The following PKHD1 variants were observed in gnomAD, a reference collection of about 807,000 sequenced individuals.
PKHD1 encodes PKHD1 ciliary IPT domain containing fibrocystin/polyductin, also known as fibrocystin.
A neutral mutation model predicts 412.0 loss-of-function variants in PKHD1; 291 were observed. That is an observed-to-expected ratio of 0.71 (90% confidence interval 0.64 to 0.78). The LOEUF is 0.78. Among genes scored for constraint, PKHD1 ranks in the 30% least tolerant of loss-of-function variants. The probability of loss-of-function intolerance (pLI) is 0.00; values close to 1 mark genes in which losing one functional copy is unlikely to be tolerated. For synonymous variants in PKHD1, 1,777 were observed against 1,821.5 expected, an observed-to-expected ratio of 0.98 and a Z score of 0.62; for missense variants, 4,825 against 4,950.7, an observed-to-expected ratio of 0.97 and a Z score of 0.76.
At chr6:51,730,565 T>G (rs1462765559) in intron 60 of PKHD1, among the ~76,000 whole-genome samples, 4 of 152,220 alleles carry the variant, frequency 2.6e-5, no homozygotes, top group Non-Finnish European at 5.9e-5. Context: ...TATTTATTTC[T>G]AGAATATTTT....
At chr6:51,814,873 T>G (rs988370053) in intron 52 of PKHD1, among the ~76,000 whole-genome samples, 2 of 151,864 alleles carry the variant, frequency 1.3e-5, no homozygotes, top group Non-Finnish European at 2.9e-5. Flanking sequence ...TCCTTGCATC[T>G]TCTTACCTGC....
intron 49 of PKHD1, among the ~76,000 whole-genome samples, chr6:51,853,894 C>T (rs1470555246): frequency 2.0e-5 from 3 of 152,088 alleles, no homozygotes; most frequent in Non-Finnish European, 4.4e-5. Flanking sequence ...TTTTTTATTA[C>T]CCATCTTCTG....
intron 60 of PKHD1, among the ~76,000 whole-genome samples, chr6:51,727,743 C>T (rs2150869490): frequency 6.6e-6 from 1 of 152,276 alleles, no homozygotes; most frequent in South Asian, 2.1e-4. Context: ...AGTGCATATG[C>T]CCAGGAAGTT....
At chr6:51,652,450 G>A (rs1040322356) in intron 61 of PKHD1, among the ~76,000 whole-genome samples, 6 of 152,048 alleles carry the variant, frequency 3.9e-5, no homozygotes, top group Non-Finnish European at 8.8e-5. Flanking sequence ...GTGGAAATCA[G>A]AGATACTCTC....
At chr6:51,708,668 CCCA>C (rs1780293558) in intron 60 of PKHD1, among the ~76,000 whole-genome samples, 1 of 152,136 alleles carries the variant, frequency 6.6e-6, no homozygotes, top group Non-Finnish European at 1.5e-5. Flanking sequence ...CACAGATTGT[CCCA>C]CCATCTCATG....
At chr6:51,920,855 G>T (rs1162439455) in intron 37 of PKHD1, among the ~76,000 whole-genome samples, 1 of 152,102 alleles carries the variant, frequency 6.6e-6, no homozygotes, top group East Asian at 1.9e-4. Context: ...TCTTGGGAGG[G>T]TGTATGTGTC....
Position 51,903,991 on chromosome 6 carries a change from T to C in PKHD1, c.6860A>G (p.Lys2287Arg). ...YISWEAIHGR[K>R]DDWSGHGNII... ...AAATCAATTTACATATTTACCATCTTTCCTTCCATGAATTGCCTCCCAGGA... is the reference window on the plus strand; with the variant it reads ...AAATCAATTTACATATTTACCATCTCTCCTTCCATGAATTGCCTCCCAGGA... The change falls in exon 42 of 67, where the codon AAA (lysine) becomes AGA (arginine). Residue 2287 changes from lysine to arginine, a missense_variant. Physicochemically the swap from Lys to Arg is conservative, Grantham distance 26 (BLOSUM62 2). Transcript: ENST00000371117. 2 of 1,572,200 alleles carry C rather than the reference T, an allele frequency of 1.3e-6. No homozygotes were observed. Among genetic ancestry groups the C allele is most frequent in the Non-Finnish European group, 1.8e-6 (2 of 1,142,078 alleles).
At chr6:51,886,171 A>G (rs1778181947) in intron 44 of PKHD1, among the ~76,000 whole-genome samples, 199 bp from the exon 45 acceptor site, 1 of 152,156 alleles carries the variant, frequency 6.6e-6, no homozygotes, top group African/African-American at 2.4e-5. Flanking sequence ...CCGAATCCCA[A>G]CAAAATGCAG....
chr6:51,800,408 G>A (rs1378616711), intron 52 of PKHD1, among the ~76,000 whole-genome samples: 1 of 152,176 alleles, frequency 6.6e-6, no homozygotes, highest in Non-Finnish European at 1.5e-5. Flanking sequence ...AAAAGACTCA[G>A]TGTTTTATTA....
chr6:51,912,577 C>A lies in PKHD1; in HGVS notation c.6122-1G>T. 6.2e-7 allele frequency: 1 copy of A among 1,605,200 alleles called. No homozygotes were observed. The highest frequency in any genetic ancestry group is 2.2e-5 in the East Asian group (1 of 44,816). ...GTGACAATTACTTCTGGTAGTGAAC[C>A]TAAAGCAGCCCGAGGAAAAGTTGTC... On this transcript the variant is annotated splice_acceptor_variant, in intron 37 of 66. Transcript: ENST00000371117. LOFTEE classifies it high-confidence loss of function.
At chr6:51,753,431 C>T (rs908128707) in intron 56 of PKHD1, 78 bp from the exon 57 acceptor site, 1 of 1,189,970 alleles carries the variant, frequency 8.4e-7, no homozygotes, top group Non-Finnish European at 1.3e-6. Context: ...CCCAGCAAAC[C>T]TGAGAAATGA....
intron 52 of PKHD1, among the ~76,000 whole-genome samples, chr6:51,825,621 A>G (rs549816217): frequency 3.9e-5 from 6 of 152,158 alleles, no homozygotes; most frequent in Non-Finnish European, 8.8e-5. Flanking sequence ...TCCAGCCACT[A>G]TCTAACTATA....
intron 60 of PKHD1, among the ~76,000 whole-genome samples, chr6:51,666,864 G>A (rs1188596628): frequency 6.6e-6 from 1 of 152,054 alleles, no homozygotes; most frequent in East Asian, 1.9e-4. Flanking sequence ...TCCCTACAAA[G>A]GACATGAACT....
chr6:51,946,708 A>G (rs1037922546), intron 36 of PKHD1, among the ~76,000 whole-genome samples: 2 of 152,238 alleles, frequency 1.3e-5, no homozygotes, highest in African/African-American at 4.8e-5. Context: ...GGGTAATTTT[A>G]TAAAAATCAA....
At position 51,649,133 on chromosome 6, in the gene PKHD1, C is replaced by T. The variant is rs1770528501; in HGVS notation, c.11262G>A (p.Val3754=). The part of the protein sequence containing the change: ...SILVQPSDGE[V]GNELPVQPQL... Reference sequence around the variant, plus strand: ...GTGGCTGCACTGGAAGCTCATTTCCCACTTCTCCATCTGAAGGCTGGACTA... The same window carrying T: ...GTGGCTGCACTGGAAGCTCATTTCCTACTTCTCCATCTGAAGGCTGGACTA... The change falls in exon 62 of 67, where the codon GTG becomes GTA. Residue 3754 remains valine, a synonymous_variant. Coordinates refer to ENST00000371117, the MANE Select transcript of PKHD1 (RefSeq NM_138694.4). 2 of 1,613,714 alleles carry T rather than the reference C, an allele frequency of 1.2e-6. No homozygotes were observed. The highest frequency in any genetic ancestry group is 1.3e-5 in the African/African-American group (1 of 74,922).
intron 1 of PKHD1, 55 bp downstream of exon 1, chr6:52,087,379 A>G (rs1812941082): frequency 6.6e-6 from 1 of 152,214 alleles, no homozygotes; most frequent in Non-Finnish European, 1.5e-5. Flanking sequence ...AACGTTAACA[A>G]GAGATACAAC....
chr6:51,698,943 A>C (rs935265802), intron 60 of PKHD1, among the ~76,000 whole-genome samples: 2 of 152,150 alleles, frequency 1.3e-5, no homozygotes, highest in African/African-American at 2.4e-5. Context: ...TGACTTTTCT[A>C]CCTTTCCACC....
chr6:51,836,447 T>C lies in PKHD1; in HGVS notation c.8130A>G (p.Gln2710=). ...TYLVSGEGQV[Q]VILRVKEGMP... ...TACCTTCCTTCACCCGGAGAATGAC[T>C]TGAACTTGGCCTTCACCTGAAACTA... is the stretch of plus-strand genomic sequence containing the variant. The change falls in exon 51 of 67, where the codon CAA becomes CAG. Residue 2710 remains glutamine (Q), a synonymous_variant. Transcript: ENST00000371117. 1 of 1,613,208 alleles carries C rather than the reference T, an allele frequency of 6.2e-7. No individual in the cohort carries two copies. Among genetic ancestry groups the C allele is most frequent in the Non-Finnish European group, 8.5e-7 (1 of 1,179,166 alleles).
chr6:51,979,477 G>A (rs946435086), intron 35 of PKHD1, among the ~76,000 whole-genome samples: 2 of 151,772 alleles, frequency 1.3e-5, no homozygotes, highest in African/African-American at 2.4e-5. Flanking sequence ...ATTCTCCTCT[G>A]CATTGCTAAT....
Sources: gnomAD v4.1 joint callset for allele counts (sites outside exome capture counted in the v4.1 genomes callset) on GRCh38, gnomAD v4.1.1 for gene constraint, MANE v1.5 for transcripts, NCBI Gene and HGNC (gene_info 2026-07-23, HGNC 2026-07-21) for gene names.